The following ELMO1 variants were observed in gnomAD, a reference collection of about 807,000 sequenced individuals.
The protein encoded by ELMO1 is engulfment and cell motility 1.
A neutral mutation model predicts 98.9 loss-of-function variants in ELMO1; 26 were observed. The ratio of observed to expected loss-of-function variants is 0.26; its 90% CI spans 0.19 to 0.36. The LOEUF (loss-of-function observed/expected upper bound fraction) is 0.36. Ranked by LOEUF, ELMO1 falls within the 10% of genes least tolerant of loss-of-function variation. The probability of loss-of-function intolerance (pLI) is 1.00; values close to 1 mark genes in which losing one functional copy is unlikely to be tolerated. For missense variants in ELMO1, 627 were observed against 935.2 expected, an observed-to-expected ratio of 0.67 and a Z score of 4.30; for synonymous variants, 346 against 346.0, an observed-to-expected ratio of 1.00 and a Z score of 0.00.
chr7:37,013,227 A>G, intron 16 of ELMO1, 72 bp downstream of exon 16: 2 of 1,557,178 alleles, frequency 1.3e-6, no homozygotes, highest in Admixed American at 1.9e-5. Flanking sequence ...TTCTGCACAC[A>G]GCCAAGGGAC....
At chr7:37,438,484 C>T (rs1449490916) in intron 1 of ELMO1, among the ~76,000 whole-genome samples, 1 of 151,370 alleles carries the variant, frequency 6.6e-6, no homozygotes, top group Non-Finnish European at 1.5e-5. Flanking sequence ...CCTGTAGTCC[C>T]AGCTACTTCG....
chr7:37,119,343 T>A (rs1785837037), intron 14 of ELMO1, among the ~76,000 whole-genome samples: 1 of 152,230 alleles, frequency 6.6e-6, no homozygotes, highest in Admixed American at 6.5e-5. Flanking sequence ...ACAAATAATG[T>A]ATGTTAAGTA....
At chr7:37,156,971 G>A (rs2193021) in intron 13 of ELMO1, among the ~76,000 whole-genome samples, 94,017 of 151,982 alleles carry the variant, frequency 0.62, 31,302 homozygotes, top group Non-Finnish European at 0.74. Context: ...TATCCACCAC[G>A]AGCAAGTCTT....
intron 16 of ELMO1, among the ~76,000 whole-genome samples, chr7:36,943,674 T>C (rs1787240342): frequency 6.6e-6 from 1 of 152,252 alleles, no homozygotes; most frequent in African/African-American, 2.4e-5. Flanking sequence ...TGCCTCTAAA[T>C]AGTTCATTCA....
At chr7:37,018,478 T>C (rs1794078705) in intron 15 of ELMO1, among the ~76,000 whole-genome samples, 1 of 151,952 alleles carries the variant, frequency 6.6e-6, no homozygotes, top group Non-Finnish European at 1.5e-5. Flanking sequence ...ATGGTAGCTA[T>C]TAGTTACTAT....
intron 1 of ELMO1, among the ~76,000 whole-genome samples, chr7:37,405,905 A>T (rs902476733): frequency 6.6e-6 from 1 of 152,200 alleles, no homozygotes; most frequent in African/African-American, 2.4e-5. Context: ...CCACGAGAGC[A>T]TGGGTCAGAA....
At chr7:37,351,409 C>T (rs1404653981) in intron 1 of ELMO1, among the ~76,000 whole-genome samples, 1 of 152,180 alleles carries the variant, frequency 6.6e-6, no homozygotes, top group Admixed American at 6.5e-5. Flanking sequence ...GAGTTCTTGC[C>T]TTCTGCTGGG....
chr7:37,337,258 C>T (rs551950031), intron 2 of ELMO1, among the ~76,000 whole-genome samples: 1 of 152,046 alleles, frequency 6.6e-6, no homozygotes, highest in Non-Finnish European at 1.5e-5. Context: ...GATCCATTCT[C>T]AGCAAACTAT....
At chr7:36,869,341 C>T (rs774377305) in intron 20 of ELMO1, among the ~76,000 whole-genome samples, 2 of 152,190 alleles carry the variant, frequency 1.3e-5, no homozygotes, top group African/African-American at 2.4e-5. Flanking sequence ...CCTCTGCCTT[C>T]CTGAACAGTA....
intron 16 of ELMO1, among the ~76,000 whole-genome samples, chr7:36,950,259 G>C (rs374775262): frequency 1.3e-5 from 2 of 152,316 alleles, no homozygotes; most frequent in South Asian, 4.1e-4. Flanking sequence ...AGAGACAGAG[G>C]GAATGTTTCC....
At chr7:37,340,003 G>A (rs1800631062) in intron 2 of ELMO1, among the ~76,000 whole-genome samples, 1 of 152,126 alleles carries the variant, frequency 6.6e-6, no homozygotes, top group South Asian at 2.1e-4. Context: ...CTACAAAAAT[G>A]TCAAGGTCAC....
intron 4 of ELMO1, 140 bp downstream of exon 4, chr7:37,314,710 T>C: frequency 3.1e-6 from 2 of 648,768 alleles, no homozygotes; most frequent in South Asian, 4.5e-5. Context: ...GTAGCAGTTG[T>C]TTGCTTTACA....
chr7:37,113,274 T>C (rs934162778), intron 14 of ELMO1, among the ~76,000 whole-genome samples: 2 of 152,186 alleles, frequency 1.3e-5, no homozygotes, highest in South Asian at 4.1e-4. Context: ...GTGCTGACTG[T>C]CTTCTGTGTG....
intron 13 of ELMO1, among the ~76,000 whole-genome samples, chr7:37,193,557 A>G (rs992700259): frequency 3.3e-5 from 5 of 152,102 alleles, no homozygotes; most frequent in African/African-American, 1.2e-4. Context: ...TCCCTGCAGG[A>G]GCTTAGAGGC....
chr7:37,437,042 C>T (rs907708814), intron 1 of ELMO1, among the ~76,000 whole-genome samples: 2 of 152,112 alleles, frequency 1.3e-5, no homozygotes, highest in African/African-American at 4.8e-5. Context: ...TGGAAGGTTC[C>T]AAACGATTGA....
chr7:37,000,070 T>C lies in ELMO1; in HGVS notation c.1437+13229A>G, dbSNP rs912057091. On this transcript the variant is annotated intron_variant, in intron 16 of 21. Transcript: ENST00000310758. ...AGGCTTGGAAGCAAATGTCCAGGCT[T>C]GCCCAGTGCCAAAACCACAATAAAA... Among the ~76,000 whole-genome samples, 3 of 152,348 alleles carry C rather than the reference T, an allele frequency of 2.0e-5. No individual in the cohort carries two copies. The East Asian group carries it at 5.8e-4, about 29-fold the overall frequency.
At chr7:37,137,687 C>A (rs1201140401) in intron 13 of ELMO1, among the ~76,000 whole-genome samples, 8 of 152,130 alleles carry the variant, frequency 5.3e-5, no homozygotes, top group African/African-American at 1.9e-4. Flanking sequence ...CAGCCACGTG[C>A]CACCATGCCT....
At chr7:37,344,866 G>A (rs768393585) in intron 1 of ELMO1, among the ~76,000 whole-genome samples, 1 of 152,162 alleles carries the variant, frequency 6.6e-6, no homozygotes, top group Non-Finnish European at 1.5e-5. Flanking sequence ...GGGTTCTCTT[G>A]TCTTTTTTGA....
At chr7:37,106,241 T>C (rs550642654) in intron 14 of ELMO1, among the ~76,000 whole-genome samples, 8 of 152,256 alleles carry the variant, frequency 5.3e-5, no homozygotes, top group Middle Eastern at 3.4e-3. Flanking sequence ...CTTCCGAAGT[T>C]CATGTTGAAA....
Sources: allele counts gnomAD v4.1 joint callset (sites outside exome capture counted in the v4.1 genomes callset), GRCh38; gene constraint gnomAD v4.1.1; transcripts MANE v1.5; gene names NCBI Gene and HGNC (gene_info 2026-07-23, HGNC 2026-07-21).